The following ATP8A1 variants were observed in gnomAD, a reference collection of about 807,000 sequenced individuals.
ATP8A1 encodes ATPase phospholipid transporting 8A1.
Under a neutral mutation model 177.7 loss-of-function variants are expected in ATP8A1, and 90 were observed. That is an observed-to-expected ratio of 0.51 (90% CI 0.43 to 0.60). ATP8A1 has a LOEUF of 0.60. Among genes scored for constraint, ATP8A1 ranks in the 20% least tolerant of loss-of-function variants. ATP8A1 has a pLI of 0.00. For missense variants in ATP8A1, 1,072 were observed against 1,392.8 expected (o/e 0.77, Z 3.67); for synonymous variants, 493 against 485.9 (o/e 1.01, Z -0.19).
At chr4:42,469,610 C>T (rs1720172447) in intron 25 of ATP8A1, among the ~76,000 whole-genome samples, 1 of 152,114 alleles carries the variant, frequency 6.6e-6, no homozygotes, top group Admixed American at 6.5e-5. Context: ...TTTCAGAAAT[C>T]AACATGGGCT....
rs1274302894 is a variant in ATP8A1, at chr4:42,627,034, T to C, written c.125A>G (p.Asn42Ser). ...DQEEVRTIFI[N>S]QPQLTKFCNN... ...GCAGAATTTTGTCAGCTGGGGCTGG[T>C]TGATGAAAATAGTCCTTACTTCCTC... The change falls in exon 2 of 37, where the codon AAC (asparagine) becomes AGC (serine). Residue 42 changes from asparagine (N) to serine (S), a missense_variant. Around this residue, in one of 5 missense-constraint regions of ATP8A1, gnomAD observed 344 missense variants for 393.5 expected, o/e 0.87. Coordinates refer to ENST00000381668, the MANE Select transcript of ATP8A1 (RefSeq NM_006095.2). The C allele has an allele frequency of 1.2e-6, 2 of 1,614,136 alleles. No individual in the cohort carries two copies. The highest frequency in any genetic ancestry group is 2.2e-5 in the East Asian group (1 of 44,878).
intron 27 of ATP8A1, among the ~76,000 whole-genome samples, chr4:42,456,164 T>C (rs1718464803): frequency 6.6e-6 from 1 of 152,108 alleles, no homozygotes; most frequent in Non-Finnish European, 1.5e-5. Context: ...TGCATTTTCT[T>C]AAGTTGTCAC....
At chr4:42,433,122 T>C (rs1475045720) in intron 33 of ATP8A1, among the ~76,000 whole-genome samples, 1 of 152,218 alleles carries the variant, frequency 6.6e-6, no homozygotes, top group East Asian at 1.9e-4. Context: ...ACTTTCTGGT[T>C]CTAGCTCCAA....
At chr4:42,615,545 G>C (rs556795614) in intron 5 of ATP8A1, among the ~76,000 whole-genome samples, 1 of 152,236 alleles carries the variant, frequency 6.6e-6, no homozygotes, top group South Asian at 2.1e-4. Context: ...TCCAAAAAGA[G>C]CTGTGCCAAA....
chr4:42,490,088 G>A (rs1177153347), intron 24 of ATP8A1, among the ~76,000 whole-genome samples: 1 of 152,134 alleles, frequency 6.6e-6, no homozygotes, highest in Non-Finnish European at 1.5e-5. Context: ...GGCAAGGGAG[G>A]GAGCCACAGT....
intron 22 of ATP8A1, among the ~76,000 whole-genome samples, chr4:42,514,209 C>T (rs535942280): frequency 2.6e-5 from 4 of 152,296 alleles, no homozygotes; most frequent in African/African-American, 9.6e-5. Flanking sequence ...CATTTGAACT[C>T]ACAAAGCCAA....
chr4:42,418,414 T>C (rs933281661), intron 35 of ATP8A1, among the ~76,000 whole-genome samples: 5 of 152,238 alleles, frequency 3.3e-5, no homozygotes, highest in African/African-American at 1.2e-4. Context: ...CAAAAATAAT[T>C]GTCCTGCCTC....
intron 1 of ATP8A1, chr4:42,637,276 T>C (rs1396700274): frequency 2.0e-6 from 1 of 507,720 alleles, no homozygotes; most frequent in Non-Finnish European, 3.9e-6. Context: ...AGATCTCTTC[T>C]GATGTTAACA....
At chr4:42,474,068 T>G (rs938337618) in intron 25 of ATP8A1, among the ~76,000 whole-genome samples, 1 of 152,102 alleles carries the variant, frequency 6.6e-6, no homozygotes, top group Non-Finnish European at 1.5e-5. Context: ...AACTACCTAG[T>G]GGAAGGTGGA....
intron 20 of ATP8A1, among the ~76,000 whole-genome samples, chr4:42,532,819 A>ATGACATTCCACTATTGTGATTTGTTCC (rs1410708454): frequency 7.2e-5 from 11 of 152,348 alleles, no homozygotes; most frequent in Middle Eastern, 3.4e-3. Context: ...GCCTTAACGG[A>ATGACATTCCACTATTGTGATTTGTTCC]TGACATTCCA....
intron 24 of ATP8A1, among the ~76,000 whole-genome samples, chr4:42,500,857 T>C (rs1257728837): frequency 6.6e-6 from 1 of 152,158 alleles, no homozygotes; most frequent in Non-Finnish European, 1.5e-5. Context: ...TGCTGAAGAG[T>C]TATTTTTTTT....
At chr4:42,495,436 A>G (rs546094908) in intron 24 of ATP8A1, among the ~76,000 whole-genome samples, 31 of 152,288 alleles carry the variant, frequency 2.0e-4, no homozygotes, top group Admixed American at 9.2e-4. Context: ...TCCTCCAGCT[A>G]CTGCAGGTGG....
intron 31 of ATP8A1, among the ~76,000 whole-genome samples, chr4:42,445,611 A>G (rs984575501): frequency 6.6e-6 from 1 of 152,236 alleles, no homozygotes; most frequent in Non-Finnish European, 1.5e-5. Context: ...TTTAAGGCAC[A>G]TTAAGGGTTT....
chr4:42,643,774 T>C (rs1740242873), intron 1 of ATP8A1, among the ~76,000 whole-genome samples: 2 of 152,156 alleles, frequency 1.3e-5, no homozygotes, highest in Admixed American at 1.3e-4. Context: ...GTAGGTATTA[T>C]CACTTTATCA....
chr4:42,502,812 C>T (rs1723988173), intron 24 of ATP8A1, among the ~76,000 whole-genome samples: 2 of 152,336 alleles, frequency 1.3e-5, no homozygotes, highest in African/African-American at 4.8e-5. Flanking sequence ...ACCTCTACGG[C>T]TCTGTCTTCC....
At chr4:42,506,574 C>A (rs1216866561) in intron 23 of ATP8A1, among the ~76,000 whole-genome samples, 2 of 152,156 alleles carry the variant, frequency 1.3e-5, no homozygotes, top group African/African-American at 4.8e-5. Context: ...AGAGGAGCCA[C>A]GTGAGGACAG....
At chr4:42,443,141 A>G (rs1166681145) in intron 33 of ATP8A1, among the ~76,000 whole-genome samples, 1 of 152,264 alleles carries the variant, frequency 6.6e-6, no homozygotes. Context: ...CATTTAATCT[A>G]GTGACAGCAG....
At chr4:42,513,352 C>T (rs747322363) in intron 22 of ATP8A1, among the ~76,000 whole-genome samples, 35 of 152,126 alleles carry the variant, frequency 2.3e-4, no homozygotes, top group Non-Finnish European at 2.9e-4. Flanking sequence ...ATGTTATACA[C>T]ATTGTATGTT....
chr4:42,636,158 G>GCGCGCGTGCGCGCGCGCGCA (rs1482172817), intron 1 of ATP8A1, among the ~76,000 whole-genome samples: 27 of 23,768 alleles, frequency 1.1e-3, no homozygotes, highest in African/African-American at 1.5e-3. Flanking sequence ...ACACACACAC[G>GCGCGCGTGCGCGCGCGCGCA]CACACACACA....
Sources: allele counts gnomAD v4.1 joint callset (sites outside exome capture counted in the v4.1 genomes callset), GRCh38; gene constraint gnomAD v4.1.1; regional missense constraint gnomAD v4.1.1; transcripts MANE v1.5; gene names NCBI Gene and HGNC (gene_info 2026-07-23, HGNC 2026-07-21).